Variants in TEX29 observed in about 807,000 individuals in gnomAD.
TEX29 encodes testis expressed 29, also known as testis-expressed protein 29.
A neutral mutation model predicts 18.2 loss-of-function variants in TEX29; 26 were observed. The observed-to-expected ratio is 1.43, with a 90% confidence interval of 1.04 to 1.98. The LOEUF (loss-of-function observed/expected upper bound fraction) is 1.98. Ranked by LOEUF, TEX29 falls within the 30% of genes most tolerant of loss-of-function variation. The pLI is 0.00. For synonymous variants in TEX29, 83 were observed against 78.5 expected (o/e 1.06, Z -0.31); for missense variants, 177 against 194.2 (o/e 0.91, Z 0.53).
chr13:111,336,286 G>A (rs1177934655), intron 3 of TEX29, among the ~76,000 whole-genome samples: 1 of 152,222 alleles, frequency 6.6e-6, no homozygotes, highest in Non-Finnish European at 1.5e-5. Context: ...CTCTCACTGT[G>A]CCCTCACATT....
At chr13:111,332,949 T>G (rs971925852) in intron 3 of TEX29, among the ~76,000 whole-genome samples, 9 of 152,248 alleles carry the variant, frequency 5.9e-5, no homozygotes, top group African/African-American at 1.9e-4. Flanking sequence ...ATCCTGACTT[T>G]GTTTATCTGG....
intron 3 of TEX29, among the ~76,000 whole-genome samples, chr13:111,329,890 G>T (rs1161310206): frequency 3.9e-5 from 6 of 152,118 alleles, no homozygotes; most frequent in Admixed American, 3.9e-4. Flanking sequence ...TTTTGCAGCT[G>T]GTTCTCTATG....
At chr13:111,335,171 G>A (rs946671191) in intron 3 of TEX29, among the ~76,000 whole-genome samples, 1 of 152,156 alleles carries the variant, frequency 6.6e-6, no homozygotes, top group Non-Finnish European at 1.5e-5. Context: ...GTTTTTGCTG[G>A]TATCACCCTG....
At chr13:111,323,785 G>A (rs564001775) in intron 2 of TEX29, among the ~76,000 whole-genome samples, 1 of 152,188 alleles carries the variant, frequency 6.6e-6, no homozygotes, top group South Asian at 2.1e-4. Context: ...GCTCCAGGCA[G>A]GAAGGCCACA....
rs1188473934 is a variant in TEX29 at position 111,342,834 on chromosome 13, G to T, written c.318G>T (p.Glu106Asp). The change falls in exon 5 of 6, where the codon GAG becomes GAT. Residue 106 changes from glutamate (E) to aspartate (D), a missense_variant. Glu to Asp is a conservative substitution (Grantham distance 45, BLOSUM62 2). Coordinates refer to ENST00000283547, the MANE Select transcript of TEX29 (RefSeq NM_152324.3). The part of the protein sequence containing the change: ...ALPQKSSEKA[E>D]LASSSSKLGL... The stretch of plus-strand genomic sequence containing the variant: ...CACAGAAGTCCAGCGAAAAGGCGGA[G>T]TTGGCCTCATCCAGCAGCAAGTTAG... 6.2e-7 allele frequency: 1 copy of T among 1,614,164 alleles called. No individual in the cohort carries two copies. Among genetic ancestry groups the T allele is most frequent in the South Asian group, 1.1e-5 (1 of 91,078 alleles).
At chr13:111,330,553 G>A (rs2093681143) in intron 3 of TEX29, among the ~76,000 whole-genome samples, 1 of 152,160 alleles carries the variant, frequency 6.6e-6, no homozygotes. Flanking sequence ...GATAAAATCG[G>A]TTGGAAATTG....
At chr13:111,343,001 C>G (rs2093699156) in intron 5 of TEX29, 70 bp downstream of exon 5, 1 of 1,546,516 alleles carries the variant, frequency 6.5e-7, no homozygotes, top group Non-Finnish European at 8.8e-7. Context: ...GGAGACCTTC[C>G]CTGGGAAGGG....
At chr13:111,339,971 G>A (rs2093695253) in intron 4 of TEX29, 39 bp downstream of exon 4, 1 of 1,545,626 alleles carries the variant, frequency 6.5e-7, no homozygotes. Context: ...GTGGGGAGGA[G>A]GGGACTCACC....
chr13:111,319,269 G>A (rs1284394699), upstream of TEX29, among the ~76,000 whole-genome samples: 2 of 152,122 alleles, frequency 1.3e-5, no homozygotes, highest in Non-Finnish European at 2.9e-5. Flanking sequence ...AACTTACATT[G>A]AGTGTTCCCA....
chr13:111,329,524 G>A (rs1449687934), intron 3 of TEX29, among the ~76,000 whole-genome samples: 1 of 151,420 alleles, frequency 6.6e-6, no homozygotes, highest in Non-Finnish European at 1.5e-5. Flanking sequence ...GTCGGGAAAC[G>A]TTAGTGACTG....
chr13:111,316,965 A>G (rs2093655588), upstream of TEX29, among the ~76,000 whole-genome samples: 1 of 152,142 alleles, frequency 6.6e-6, no homozygotes, highest in South Asian at 2.1e-4. Context: ...CAGCTGTATC[A>G]TGAGAACTCA....
upstream of TEX29, among the ~76,000 whole-genome samples, chr13:111,319,387 G>A (rs772058880): frequency 4.6e-5 from 7 of 152,172 alleles, no homozygotes; most frequent in Non-Finnish European, 1.0e-4. Context: ...TTATTCAGTC[G>A]TGAGAAGGAA....
Position 111,320,868 on chromosome 13 carries a change from C to T in TEX29, c.-23C>T. On this transcript the variant is annotated 5_prime_UTR_variant, in exon 2 of 6. Transcript: ENST00000283547. Reference sequence around the variant, plus strand: ...CTCCTGTTTTCCAGGTGTGCTCGGCCCCTTCATCTGTCAGCTGCAGCAATG... The same window carrying T: ...CTCCTGTTTTCCAGGTGTGCTCGGCTCCTTCATCTGTCAGCTGCAGCAATG... 1.2e-6 allele frequency: 2 copies of T among 1,613,610 alleles called. No homozygotes were observed. Among genetic ancestry groups the T allele is most frequent in the Non-Finnish European group, 1.7e-6 (2 of 1,179,926 alleles).
intron 4 of TEX29, among the ~76,000 whole-genome samples, chr13:111,342,165 A>T (rs931315611): frequency 2.6e-5 from 4 of 152,196 alleles, no homozygotes; most frequent in Non-Finnish European, 5.9e-5. Context: ...CACCACCTTC[A>T]CCATGAGCCC....
Position 111,344,183 on chromosome 13 carries a change from T to G in TEX29, c.*60T>G. The G allele has an allele frequency of 2.1e-6, 3 of 1,441,740 alleles. No individual in the cohort carries two copies. The highest frequency in any genetic ancestry group is 2.9e-6 in the Non-Finnish European group (3 of 1,026,532). 89.3% of individuals were successfully genotyped at this position (1,441,740 alleles called of 1,614,324 possible). On this transcript the variant is annotated 3_prime_UTR_variant, in exon 6 of 6. Coordinates refer to ENST00000283547, the MANE Select transcript of TEX29 (RefSeq NM_152324.3). ...TATCCAAATGAAATGGTACAGCAGG[T>G]GCACTGTTAACAGTGTGATGGAATG...
chr13:111,342,627 C>A, intron 4 of TEX29, 129 bp from the exon 5 acceptor site: 2 of 712,254 alleles, frequency 2.8e-6, no homozygotes, highest in East Asian at 3.0e-5. Context: ...AAGCATTTAC[C>A]TTAAAAAATA....
In TEX29 at chr13:111,344,113, C is replaced by T. The variant is rs2093701028; in HGVS notation, c.446C>T (p.Thr149Ile). The T allele has an allele frequency of 5.6e-6, 9 of 1,613,088 alleles. No individual in the cohort carries two copies. The highest frequency in any genetic ancestry group is 7.6e-6 in the Non-Finnish European group (9 of 1,179,414). ...GGGACAATAACAGAAGCCGAAGAAA[C>T]TGAGGACTGACTGAGACGCATGAAG... is the stretch of plus-strand genomic sequence containing the variant. ...VTGTITEAEE[T>I]ED Residue 149 changes from threonine (T) to isoleucine (I), a missense_variant, in exon 6 of 6, where the codon ACT (threonine) becomes ATT (isoleucine). Transcript: ENST00000283547.
intron 2 of TEX29, among the ~76,000 whole-genome samples, chr13:111,323,745 G>A (rs958074828): frequency 6.6e-5 from 10 of 150,554 alleles, no homozygotes; most frequent in African/African-American, 2.2e-4. Flanking sequence ...GGCCCTGCAC[G>A]CCCCAGATCC....
chr13:111,326,272 TC>T (rs2093672967), intron 2 of TEX29, among the ~76,000 whole-genome samples: 1 of 76,220 alleles, frequency 1.3e-5, no homozygotes, highest in Non-Finnish European at 2.9e-5. Context: ...CTGGTGGGTG[TC>T]TGGTGGGGTG....
Sources: gnomAD v4.1 joint callset for allele counts (sites outside exome capture counted in the v4.1 genomes callset) on GRCh38, gnomAD v4.1.1 for gene constraint, MANE v1.5 for transcripts, NCBI Gene and HGNC (gene_info 2026-07-23, HGNC 2026-07-21) for gene names.